PLCB1: variants seen among roughly 807,000 people sequenced by gnomAD.
PLCB1 encodes the protein 1-phosphatidylinositol 4,5-bisphosphate phosphodiesterase beta-1.
PLCB1 carries 46 observed loss-of-function variants against 161.8 expected under a neutral mutation model. The observed-to-expected ratio is 0.28, with a 90% confidence interval of 0.22 to 0.36. The LOEUF is 0.36. Among genes scored for constraint, PLCB1 ranks in the 10% least tolerant of loss-of-function variants. The pLI, the probability that PLCB1 is intolerant of heterozygous loss-of-function variation, is 1.00. For synonymous variants in PLCB1, 517 were observed against 503.7 expected (o/e 1.03, Z -0.35); for missense variants, 1,016 against 1,472.5 (o/e 0.69, Z 5.07).
chr20:8,768,468 C>T (rs981351481), intron 26 of PLCB1, among the ~76,000 whole-genome samples: 1 of 152,204 alleles, frequency 6.6e-6, no homozygotes, highest in Non-Finnish European at 1.5e-5. Context: ...ACATTTGCAA[C>T]AACCTCTTTC....
At chr20:8,758,331 A>G (rs1318651917) in intron 24 of PLCB1, among the ~76,000 whole-genome samples, 1 of 151,992 alleles carries the variant, frequency 6.6e-6, no homozygotes, top group Non-Finnish European at 1.5e-5. Context: ...CCGTAATCCC[A>G]GTACTTTGGA....
chr20:8,653,159 A>T (rs1267530884), intron 7 of PLCB1: 1 of 152,108 alleles, frequency 6.6e-6, no homozygotes, highest in East Asian at 1.9e-4. Context: ...TCAGGAATAA[A>T]CCCATGTATT....
chr20:8,413,287 A>G (rs1600384196), intron 3 of PLCB1, among the ~76,000 whole-genome samples: 1 of 152,228 alleles, frequency 6.6e-6, no homozygotes, highest in African/African-American at 2.4e-5. Context: ...AGAATTGTCA[A>G]GTATTAATGT....
chr20:8,805,184 T>C (rs1984476158), intron 31 of PLCB1, among the ~76,000 whole-genome samples: 1 of 152,168 alleles, frequency 6.6e-6, no homozygotes, highest in Non-Finnish European at 1.5e-5. Flanking sequence ...AAAAAATATA[T>C]TCCTTGTTAT....
intron 3 of PLCB1, among the ~76,000 whole-genome samples, chr20:8,535,553 AG>A (rs1267853337): frequency 6.6e-6 from 1 of 152,188 alleles, no homozygotes; most frequent in Non-Finnish European, 1.5e-5. Flanking sequence ...ACCAGGATAG[AG>A]GATTGATTAG....
intron 4 of PLCB1, among the ~76,000 whole-genome samples, chr20:8,638,428 T>G (rs1988835883): frequency 6.6e-6 from 1 of 151,986 alleles, no homozygotes; most frequent in African/African-American, 2.4e-5. Flanking sequence ...AATCAGAGAT[T>G]TAAAGCCTCC....
chr20:8,828,160 T>C (rs569172767), intron 31 of PLCB1, among the ~76,000 whole-genome samples: 4 of 152,320 alleles, frequency 2.6e-5, no homozygotes, highest in African/African-American at 9.6e-5. Flanking sequence ...GGGGGTGTGA[T>C]GGTGGATGGG....
At chr20:8,500,507 C>G (rs1453584856) in intron 3 of PLCB1, among the ~76,000 whole-genome samples, 2 of 152,112 alleles carry the variant, frequency 1.3e-5, no homozygotes, top group Non-Finnish European at 2.9e-5. Context: ...GCATAGGGAT[C>G]ACAGGAGAAA....
At chr20:8,445,902 C>A (rs1261027099) in intron 3 of PLCB1, among the ~76,000 whole-genome samples, 1 of 152,136 alleles carries the variant, frequency 6.6e-6, no homozygotes, top group Non-Finnish European at 1.5e-5. Flanking sequence ...GATTTTGTAT[C>A]CTGAGACTTT....
intron 3 of PLCB1, among the ~76,000 whole-genome samples, chr20:8,492,469 T>C (rs746853906): frequency 1.3e-5 from 2 of 152,138 alleles, no homozygotes; most frequent in Admixed American, 6.6e-5. Flanking sequence ...GTGCTTTTTC[T>C]CTGTGTGTGT....
rs770810162 is a variant in PLCB1, at chr20:8,724,646, C to T, written c.1582-10C>T. Reference sequence around the variant, plus strand: ...TCTGGAAATGTTTTCTTTTTTATTCCTACTTCCAGGGGACTGCTGGAAGTG... The same window carrying T: ...TCTGGAAATGTTTTCTTTTTTATTCTTACTTCCAGGGGACTGCTGGAAGTG... On this transcript the variant is annotated splice_polypyrimidine_tract_variant and intron_variant, in intron 15 of 31. Transcript: ENST00000338037. The T allele has an allele frequency of 1.4e-6, 2 of 1,478,106 alleles. No individual in the cohort carries two copies. The highest frequency in any genetic ancestry group is 2.3e-5 in the East Asian group (1 of 44,122). The allele number at this position is 1,478,106 out of a possible 1,614,324, so 91.6% of individuals were successfully genotyped here.
At position 8,853,301 on chromosome 20, in the gene PLCB1, T is replaced by G. The variant is rs568953078; in HGVS notation, c.3424-28321T>G. Among the ~76,000 whole-genome samples the G allele has an allele frequency of 1.4e-3, 216 of 152,264 alleles. 1 individual carries two copies. Among genetic ancestry groups the G allele is most frequent in the African/African-American group, 4.9e-3 (204 of 41,554 alleles). ...CAGCTTGACAAATTTTTACAGAATT[T>G]ATGAAATTACCACTTGTGTCAAGAT... On this transcript the variant is annotated intron_variant, in intron 31 of 31. Coordinates refer to ENST00000338037, the MANE Select transcript of PLCB1 (RefSeq NM_015192.4).
chr20:8,338,509 G>T (rs1353629744), intron 2 of PLCB1, among the ~76,000 whole-genome samples: 1 of 152,092 alleles, frequency 6.6e-6, no homozygotes, highest in Non-Finnish European at 1.5e-5. Context: ...GTTGATGATG[G>T]TCAAGTCTAA....
chr20:8,776,346 G>A (rs1450044174), intron 27 of PLCB1, among the ~76,000 whole-genome samples: 1 of 152,174 alleles, frequency 6.6e-6, no homozygotes, highest in Non-Finnish European at 1.5e-5. Context: ...TTGGTCCTCG[G>A]GTTCTAGAGC....
chr20:8,847,269 CCTTTCACCTTGTCTTTCTA>C (rs758274278), intron 31 of PLCB1, among the ~76,000 whole-genome samples: 2 of 152,182 alleles, frequency 1.3e-5, no homozygotes, highest in Non-Finnish European at 1.5e-5. Context: ...CAATCTATAG[CCTTTCACCTTGTCTTTCTA>C]CTTCCCACCC....
intron 3 of PLCB1, among the ~76,000 whole-genome samples, chr20:8,543,756 G>A (rs1568501334): frequency 6.6e-6 from 1 of 152,064 alleles, no homozygotes; most frequent in East Asian, 1.9e-4. Flanking sequence ...GATTATGGGG[G>A]CAGTTCCCCC....
chr20:8,782,366 C>G (rs1983283896), intron 27 of PLCB1, among the ~76,000 whole-genome samples: 2 of 152,146 alleles, frequency 1.3e-5, no homozygotes, highest in African/African-American at 2.4e-5. Flanking sequence ...GTCACACTCC[C>G]ATATAAACAT....
chr20:8,455,834 T>C (rs924426972), intron 3 of PLCB1, among the ~76,000 whole-genome samples: 1 of 152,200 alleles, frequency 6.6e-6, no homozygotes, highest in African/African-American at 2.4e-5. Flanking sequence ...CACAAATGGA[T>C]GCTTACGCAG....
intron 3 of PLCB1, among the ~76,000 whole-genome samples, chr20:8,422,426 T>C (rs1031280044): frequency 2.6e-5 from 4 of 152,178 alleles, no homozygotes; most frequent in Non-Finnish European, 5.9e-5. Context: ...CTAAAACGTA[T>C]ACAGTTGACC....
Sources: gnomAD v4.1 joint callset for allele counts (sites outside exome capture counted in the v4.1 genomes callset) on GRCh38, gnomAD v4.1.1 for gene constraint, MANE v1.5 for transcripts, NCBI Gene and HGNC (gene_info 2026-07-23, HGNC 2026-07-21) for gene names.